Variants in PLXNC1 observed in about 807,000 individuals in gnomAD.
PLXNC1 encodes plexin C1, also known as plexin-C1.
Under a neutral mutation model 178.2 loss-of-function variants are expected in PLXNC1, and 75 were observed. That is an observed-to-expected ratio of 0.42 (90% confidence interval 0.35 to 0.51). The LOEUF (loss-of-function observed/expected upper bound fraction) is 0.51, where lower values mean the gene tolerates loss of function less well. Ranked by LOEUF, PLXNC1 falls within the 20% of genes least tolerant of loss-of-function variation. The pLI is 0.02. For synonymous variants in PLXNC1, 790 were observed against 779.9 expected (o/e 1.01, Z -0.22); for missense variants, 1,503 against 1,984.4 (o/e 0.76, Z 4.61).
At chr12:94,276,519 G>A (rs376443927) in intron 21 of PLXNC1, among the ~76,000 whole-genome samples, 2 of 152,212 alleles carry the variant, frequency 1.3e-5, no homozygotes, top group African/African-American at 2.4e-5. Context: ...TGGCATAGCC[G>A]AGGGGTTTGT....
At chr12:94,250,889 T>G (rs1964667195) in intron 14 of PLXNC1, among the ~76,000 whole-genome samples, 1 of 151,756 alleles carries the variant, frequency 6.6e-6, no homozygotes, top group African/African-American at 2.4e-5. Context: ...TGTGGTGGTG[T>G]GTACCGTAGC....
intron 1 of PLXNC1, among the ~76,000 whole-genome samples, chr12:94,162,902 A>C (rs10859679): frequency 0.87 from 132,123 of 152,066 alleles, 57,495 homozygotes; most frequent in East Asian, 0.97. Flanking sequence ...TGTTGGGGAG[A>C]GACTTTCACA....
rs566621791 is a variant in PLXNC1 at position 94,233,676 on chromosome 12, C to G, written c.1981-3988C>G. ...TCCCTGGAGCCTGTACCGAGGGGCC[C>G]CCGTGAAAAGGCATTTGTCCCAGGG... On this transcript the variant is annotated intron_variant, in intron 9 of 30. Transcript: ENST00000258526. Among the ~76,000 whole-genome samples the G allele has an allele frequency of 1.6e-3, 247 of 152,232 alleles. 4 individuals are homozygous for G. The highest frequency in any genetic ancestry group is 5.9e-3 in the African/African-American group (244 of 41,548).
intron 2 of PLXNC1, among the ~76,000 whole-genome samples, chr12:94,177,127 GTGTATA>G (rs1962089014): frequency 2.3e-5 from 2 of 87,348 alleles, no homozygotes; most frequent in Non-Finnish European, 4.9e-5. Flanking sequence ...ATGTGTGTGT[GTGTATA>G]TATATGTGTG....
chr12:94,295,321 C>T (rs1456075407), intron 24 of PLXNC1, among the ~76,000 whole-genome samples: 2 of 152,160 alleles, frequency 1.3e-5, no homozygotes, highest in Non-Finnish European at 2.9e-5. Flanking sequence ...GGGTAGGACT[C>T]CTTTGGGGAA....
chr12:94,169,409 A>T, intron 2 of PLXNC1, 116 bp downstream of exon 2: 1 of 825,314 alleles, frequency 1.2e-6, no homozygotes, highest in Non-Finnish European at 1.9e-6. Flanking sequence ...GAACTTCATG[A>T]ACTCCTTAAA....
chr12:94,168,433 G>A (rs1961711150), intron 1 of PLXNC1: 1 of 152,234 alleles, frequency 6.6e-6, no homozygotes, highest in African/African-American at 2.4e-5. Flanking sequence ...TTAATGATCA[G>A]GACCAAGCGT....
At chr12:94,295,059 T>C (rs1284278841) in intron 24 of PLXNC1, among the ~76,000 whole-genome samples, 1 of 152,246 alleles carries the variant, frequency 6.6e-6, no homozygotes, top group Non-Finnish European at 1.5e-5. Flanking sequence ...AAAGTGATCT[T>C]CTGCTTCCCT....
At chr12:94,241,843 A>T (rs1964396187) in intron 11 of PLXNC1, among the ~76,000 whole-genome samples, 1 of 152,160 alleles carries the variant, frequency 6.6e-6, no homozygotes, top group Non-Finnish European at 1.5e-5. Flanking sequence ...GTTGAATTTA[A>T]ATTCACTTTC....
At chr12:94,234,460 A>T (rs1964188700) in intron 9 of PLXNC1, among the ~76,000 whole-genome samples, 2 of 152,248 alleles carry the variant, frequency 1.3e-5, no homozygotes, top group Admixed American at 1.3e-4. Flanking sequence ...GTGCTTTCTT[A>T]TACAAAACAG....
chr12:94,262,280 C>T (rs763095548), intron 20 of PLXNC1, among the ~76,000 whole-genome samples: 6 of 152,242 alleles, frequency 3.9e-5, no homozygotes, highest in Non-Finnish European at 8.8e-5. Context: ...CAGCCCCGGT[C>T]AGCTGTGTGT....
intron 2 of PLXNC1, among the ~76,000 whole-genome samples, chr12:94,171,057 A>C (rs776512573): frequency 3.3e-5 from 5 of 152,216 alleles, no homozygotes; most frequent in Non-Finnish European, 5.9e-5. Context: ...AAGCCGAGCC[A>C]ACCAAACCGC....
rs927145770 is a variant in PLXNC1 at position 94,306,376 on chromosome 12, C to T, written c.*1091C>T. ...TTACTATGTACTTTTTGAAAGTATT[C>T]CTCGCAGGAGAAAGAATTTAAAATA... On this transcript the variant is annotated 3_prime_UTR_variant, in exon 31 of 31. Transcript: ENST00000258526. 1.3e-5 allele frequency: 2 copies of T among 152,110 alleles called. No homozygotes were observed. The highest frequency in any genetic ancestry group is 2.9e-5 in the Non-Finnish European group (2 of 68,018). The allele number at this position is 152,110 out of a possible 1,614,324, so 9.4% of individuals were successfully genotyped here. A position where few individuals can be genotyped will look rare whatever the true frequency, so the allele number is the denominator to read the frequency against.
intron 11 of PLXNC1, among the ~76,000 whole-genome samples, chr12:94,243,242 C>T (rs780842841): frequency 6.6e-6 from 1 of 152,246 alleles, no homozygotes; most frequent in Non-Finnish European, 1.5e-5. Context: ...ACCTGACGTA[C>T]CCAGGCTCTT....
Position 94,259,388 on chromosome 12 carries a change from G to A in PLXNC1, c.3126+13G>A, listed in dbSNP as rs371841259. The stretch of plus-strand genomic sequence containing the variant: ...TGAAGATATGCATGTAAGTCTCTAC[G>A]TTTTCATTTTTAGCCCAGTGACTGC... On this transcript the variant is annotated intron_variant, in intron 18 of 30. Transcript: ENST00000258526. The A allele has an allele frequency of 2.1e-5, 33 of 1,583,480 alleles. 1 individual carries two copies. In the Middle Eastern group the frequency reaches 5.0e-4, roughly 24 times the overall value.
chr12:94,303,693 CTTT>C (rs373777720), intron 28 of PLXNC1, 60 bp from the exon 29 acceptor site: 11,153 of 689,116 alleles, frequency 0.016, no homozygotes, highest in East Asian at 0.022. Flanking sequence ...ATTCCTCCAT[CTTT>C]TTTTTTTTTT....
intron 6 of PLXNC1, among the ~76,000 whole-genome samples, chr12:94,221,202 A>G (rs898684527): frequency 1.3e-5 from 2 of 152,260 alleles, no homozygotes; most frequent in African/African-American, 4.8e-5. Context: ...TGCTTAGAAC[A>G]GTATCTGGCA....
At chr12:94,199,770 G>A (rs1963050687) in intron 4 of PLXNC1, among the ~76,000 whole-genome samples, 1 of 152,154 alleles carries the variant, frequency 6.6e-6, no homozygotes, top group South Asian at 2.1e-4. Flanking sequence ...CAGAAGCCAG[G>A]CTTTTTTGTT....
intron 17 of PLXNC1, among the ~76,000 whole-genome samples, chr12:94,257,044 C>G (rs906977466): frequency 6.6e-6 from 1 of 152,074 alleles, no homozygotes; most frequent in African/African-American, 2.4e-5. Context: ...TTTGTCAGAA[C>G]CCTTTCAAGA....
Sources: gnomAD v4.1 joint callset for allele counts (sites outside exome capture counted in the v4.1 genomes callset) on GRCh38, gnomAD v4.1.1 for gene constraint, MANE v1.5 for transcripts, NCBI Gene and HGNC (gene_info 2026-07-23, HGNC 2026-07-21) for gene names.